The following UBE2E1 variants were observed in gnomAD, a reference collection of about 807,000 sequenced individuals.
The protein encoded by UBE2E1 is ubiquitin-conjugating enzyme E2 E1.
UBE2E1 carries 6 observed loss-of-function variants against 21.4 expected under a neutral mutation model. The ratio of observed to expected loss-of-function variants is 0.28; its 90% confidence interval spans 0.15 to 0.55. UBE2E1 has a LOEUF of 0.55. Ranked by LOEUF, UBE2E1 falls within the 20% of genes least tolerant of loss-of-function variation. The pLI is 0.93. For missense variants in UBE2E1, 142 were observed against 236.5 expected, an observed-to-expected ratio of 0.60 and a Z score of 2.62; for synonymous variants, 87 against 82.7, an observed-to-expected ratio of 1.05 and a Z score of -0.28.
chr3:23,867,119 T>C (rs1700673620), intron 3 of UBE2E1, among the ~76,000 whole-genome samples: 2 of 152,134 alleles, frequency 1.3e-5, no homozygotes, highest in Non-Finnish European at 2.9e-5. Flanking sequence ...TTATTTTGTA[T>C]TACTTTCTTC....
At chr3:23,885,376 A>T (rs565216274) in intron 3 of UBE2E1, among the ~76,000 whole-genome samples, 1 of 152,212 alleles carries the variant, frequency 6.6e-6, no homozygotes, top group Non-Finnish European at 1.5e-5. Flanking sequence ...AACCGGTTCT[A>T]ACCTCAGGAA....
chr3:23,859,080 A>T (rs1700499371), intron 3 of UBE2E1, among the ~76,000 whole-genome samples: 1 of 152,204 alleles, frequency 6.6e-6, no homozygotes, highest in Admixed American at 6.5e-5. Context: ...CATATTCATT[A>T]AATGGAACTG....
intron 3 of UBE2E1, among the ~76,000 whole-genome samples, chr3:23,822,165 T>C (rs1015108017): frequency 1.3e-5 from 2 of 152,124 alleles, no homozygotes; most frequent in African/African-American, 4.8e-5. Context: ...TGCTGTGCAG[T>C]AGAAAAAGAT....
intron 3 of UBE2E1, among the ~76,000 whole-genome samples, chr3:23,814,213 C>G (rs78128181): frequency 6.6e-6 from 1 of 152,060 alleles, no homozygotes; most frequent in South Asian, 2.1e-4. Flanking sequence ...GGAAGGTGCA[C>G]TGTTTGTGTT....
intron 3 of UBE2E1, among the ~76,000 whole-genome samples, chr3:23,828,023 A>G (rs1195402500): frequency 6.6e-6 from 1 of 152,146 alleles, no homozygotes; most frequent in Non-Finnish European, 1.5e-5. Flanking sequence ...CACTCCACAC[A>G]GCTCTCATCT....
intron 3 of UBE2E1, among the ~76,000 whole-genome samples, chr3:23,883,067 C>T (rs1701092650): frequency 6.6e-6 from 1 of 152,178 alleles, no homozygotes; most frequent in African/African-American, 2.4e-5. Context: ...CGAGCGAGGG[C>T]TGCCAGCATG....
At position 23,806,444 on chromosome 3, in the gene UBE2E1, G is replaced by A. The variant is rs945625321; in HGVS notation, c.-34+356G>A. Among the ~76,000 whole-genome samples the A allele has an allele frequency of 4.0e-5, 6 of 151,784 alleles. No homozygotes were observed. The highest frequency in any genetic ancestry group is 7.4e-5 in the Non-Finnish European group (5 of 67,830). On this transcript the variant is annotated intron_variant, in intron 1 of 5. Transcript: ENST00000306627. This position sits in a 1 kb window ranked among gnomAD's most constrained non-coding sequence, Gnocchi z 6.5. ...AGCCCCGTTTTCCCCAGGGGCGGGG[G>A]TTCGCGGGGATTAACCCCTCCGGGG...
intron 5 of UBE2E1, 134 bp from the exon 6 acceptor site, chr3:23,890,374 TG>T: frequency 1.5e-6 from 1 of 672,674 alleles, no homozygotes; most frequent in Non-Finnish European, 2.4e-6. Context: ...ATATCCAGCA[TG>T]GTGGAGTGGT....
At position 23,808,162 on chromosome 3, in the gene UBE2E1, A is replaced by G. The variant is rs1699316794; in HGVS notation, c.152+741A>G. On this transcript the variant is annotated intron_variant, in intron 2 of 5. Coordinates refer to ENST00000306627, the MANE Select transcript of UBE2E1 (RefSeq NM_003341.5). This position sits in a 1 kb window ranked among gnomAD's most constrained non-coding sequence, Gnocchi z 4.9. ...ATTTAAGTGGTCTCCCTTTTACTTTATTCTTTTCCTCTTAAGGCCCTGAAG... is the reference window on the plus strand; with the variant it reads ...ATTTAAGTGGTCTCCCTTTTACTTTGTTCTTTTCCTCTTAAGGCCCTGAAG... 6.6e-6 allele frequency among the ~76,000 whole-genome samples: 1 copy of G among 151,882 alleles called. No homozygotes were observed.
intron 3 of UBE2E1, among the ~76,000 whole-genome samples, chr3:23,881,517 A>T (rs1001386616): frequency 2.0e-5 from 3 of 152,114 alleles, no homozygotes; most frequent in South Asian, 2.1e-4. Flanking sequence ...GGGTTTTTTT[A>T]AAAAGGCACA....
Position 23,891,129 on chromosome 3 carries a change from A to AATC in UBE2E1, c.*524_*526dup, listed in dbSNP as rs1319473964. The AATC allele has an allele frequency of 6.6e-6, 1 of 152,642 alleles. No individual in the cohort carries two copies. The highest frequency in any genetic ancestry group is 2.4e-5 in the African/African-American group (1 of 41,444). 9.5% of individuals were successfully genotyped at this position (152,642 alleles called of 1,614,324 possible). On this transcript the variant is annotated 3_prime_UTR_variant, in exon 6 of 6. Coordinates refer to ENST00000306627, the MANE Select transcript of UBE2E1 (RefSeq NM_003341.5). ...AGTAGTGCGTTTTATTTTATATGCC[A>AATC]ATCTACTTTGTTTAAAAAAGGTCTG... is the stretch of plus-strand genomic sequence containing the variant.
chr3:23,858,616 G>C (rs1160193427), intron 3 of UBE2E1, among the ~76,000 whole-genome samples: 1 of 152,050 alleles, frequency 6.6e-6, no homozygotes, highest in African/African-American at 2.4e-5. Context: ...CACTGCGCCC[G>C]GCCAGGAACT....
chr3:23,856,460 C>A (rs1700439216), intron 3 of UBE2E1, among the ~76,000 whole-genome samples: 1 of 152,178 alleles, frequency 6.6e-6, no homozygotes, highest in African/African-American at 2.4e-5. Flanking sequence ...GTTTGGAAGT[C>A]ATTGCTTTGT....
chr3:23,845,589 C>CTCTCTG (rs1553637998), intron 3 of UBE2E1, among the ~76,000 whole-genome samples: 13 of 121,284 alleles, frequency 1.1e-4, no homozygotes, highest in South Asian at 3.2e-4. Context: ...CTCTCTCTCT[C>CTCTCTG]TGTGTGTGTG....
intron 2 of UBE2E1, 52 bp from the exon 3 acceptor site, chr3:23,811,408 T>G (rs1411816996): frequency 6.3e-7 from 1 of 1,594,526 alleles, no homozygotes. Flanking sequence ...GGTGGGAGGC[T>G]TCCGCGCCTT....
chr3:23,848,709 C>T (rs896494016), intron 3 of UBE2E1, among the ~76,000 whole-genome samples: 4 of 152,094 alleles, frequency 2.6e-5, no homozygotes, highest in Admixed American at 2.6e-4. Context: ...GGGAAAACTT[C>T]ATAGAAGAAT....
At chr3:23,835,882 C>T (rs78406125) in intron 3 of UBE2E1, among the ~76,000 whole-genome samples, 8,655 of 152,130 alleles carry the variant, frequency 0.057, 305 homozygotes, top group South Asian at 0.089. Context: ...CATTTCAACA[C>T]GTAATAGCTT....
chr3:23,889,431 A>T, intron 5 of UBE2E1, 172 bp downstream of exon 5: 9 of 1,461,150 alleles, frequency 6.2e-6, no homozygotes, highest in Non-Finnish European at 8.1e-6. Flanking sequence ...GTTGAGACAC[A>T]CAACTTCATT....
chr3:23,817,437 A>G (rs977964381), intron 3 of UBE2E1, among the ~76,000 whole-genome samples: 16 of 89,658 alleles, frequency 1.8e-4, no homozygotes, highest in Middle Eastern at 0.014. Context: ...AAAAAAAAAA[A>G]AGAAAGAAAA....
Sources: allele counts gnomAD v4.1 joint callset (sites outside exome capture counted in the v4.1 genomes callset), GRCh38; gene constraint gnomAD v4.1.1; non-coding constraint Gnocchi (gnomAD v3.1); transcripts MANE v1.5; gene names NCBI Gene and HGNC (gene_info 2026-07-23, HGNC 2026-07-21).